The following PIK3C2A variants were observed in gnomAD, a reference collection of about 807,000 sequenced individuals.
PIK3C2A encodes phosphatidylinositol 4-phosphate 3-kinase C2 domain-containing subunit alpha.
In PIK3C2A, 97 loss-of-function variants were observed where a neutral mutation model predicts 204.5. The ratio of observed to expected loss-of-function variants is 0.47; its 90% confidence interval spans 0.40 to 0.56. The LOEUF (loss-of-function observed/expected upper bound fraction) is 0.56. Among genes scored for constraint, PIK3C2A ranks in the 20% least tolerant of loss-of-function variants. The probability of loss-of-function intolerance (pLI) is 0.00; values close to 1 mark genes in which losing one functional copy is unlikely to be tolerated. For synonymous variants in PIK3C2A, 653 were observed against 664.4 expected (o/e 0.98, Z 0.26); for missense variants, 1,735 against 1,969.2 (o/e 0.88, Z 2.25).
At chr11:17,176,986 A>G (rs1851359848) in intron 1 of PIK3C2A, among the ~76,000 whole-genome samples, 1 of 152,214 alleles carries the variant, frequency 6.6e-6, no homozygotes, top group South Asian at 2.1e-4. Context: ...AGCTATTAGT[A>G]TCCCTAGTAT....
At chr11:17,126,863 T>G (rs1474460452) in intron 13 of PIK3C2A, among the ~76,000 whole-genome samples, 2 of 152,226 alleles carry the variant, frequency 1.3e-5, no homozygotes, top group Admixed American at 1.3e-4. Flanking sequence ...ATCATTTATC[T>G]AACAAAACCA....
intron 1 of PIK3C2A, among the ~76,000 whole-genome samples, chr11:17,182,237 A>G (rs61879731): frequency 0.12 from 17,682 of 152,204 alleles, 1,262 homozygotes; most frequent in Middle Eastern, 0.24. Flanking sequence ...ATTATTTGTT[A>G]AATAATCATA....
chr11:17,193,100 T>C (rs1851997772), intron 1 of PIK3C2A, among the ~76,000 whole-genome samples: 1 of 152,244 alleles, frequency 6.6e-6, no homozygotes, highest in Non-Finnish European at 1.5e-5. Flanking sequence ...GCCTGCACTC[T>C]GTTAGGACAC....
intron 12 of PIK3C2A, among the ~76,000 whole-genome samples, chr11:17,131,419 ATTTTTTTTTTT>A (rs68020564): frequency 2.9e-4 from 23 of 79,476 alleles, no homozygotes; most frequent in African/African-American, 4.2e-4. Context: ...AGGGTATTTC[ATTTTTTTTTTT>A]TTTTTTTTTG....
At position 17,172,382 on chromosome 11, in the gene PIK3C2A, G is replaced by A. The variant is rs536163086; in HGVS notation, c.-65-2576C>T. The stretch of plus-strand genomic sequence containing the variant: ...TGAGGATGAGAGGGGCCAGCTAACA[G>A]CCAGCACCAACCACCAAACATGTGA... On this transcript the variant is annotated intron_variant, in intron 1 of 32. Coordinates refer to ENST00000691414, the MANE Select transcript of PIK3C2A (RefSeq NM_002645.4). Among the ~76,000 whole-genome samples the A allele has an allele frequency of 3.3e-5, 5 of 152,270 alleles. No homozygotes were observed. In the East Asian group the frequency reaches 9.7e-4, roughly 29 times the overall value.
rs375877131 is a variant in PIK3C2A, at chr11:17,135,128, C to A, written c.1880G>T (p.Ser627Ile). ...ACACATACCCCTAGTTGAACTCCTG[C>A]TAGTGTCTTCTCCTCCAAACAAAGA... ...VTSLFGGEDT[S>I]RSSTRGSLNP... Residue 627 changes from serine (S) to isoleucine (I), a missense_variant, in exon 10 of 33, where the codon AGC (serine) becomes ATC (isoleucine). Ser to Ile is a moderately radical substitution (Grantham distance 142). Around this residue, in one of 6 missense-constraint regions of PIK3C2A, gnomAD observed 567 missense variants for 576.0 expected, o/e 0.98. Coordinates refer to ENST00000691414, the MANE Select transcript of PIK3C2A (RefSeq NM_002645.4). The A allele has an allele frequency of 2.6e-5, 42 of 1,613,892 alleles. No individual in the cohort carries two copies. Among genetic ancestry groups the A allele is most frequent in the Non-Finnish European group, 3.4e-5 (40 of 1,179,956 alleles).
At chr11:17,139,816 A>G (rs559886423) in intron 8 of PIK3C2A, among the ~76,000 whole-genome samples, 9 of 152,222 alleles carry the variant, frequency 5.9e-5, no homozygotes, top group African/African-American at 2.2e-4. Flanking sequence ...GATTCTGACC[A>G]AACTCTCTTC....
At chr11:17,162,516 T>C (rs1201707218) in intron 2 of PIK3C2A, among the ~76,000 whole-genome samples, 3 of 152,192 alleles carry the variant, frequency 2.0e-5, no homozygotes, top group Non-Finnish European at 2.9e-5. Context: ...CATAGTGAAC[T>C]GTAACCTAAC....
intron 4 of PIK3C2A, 86 bp downstream of exon 4, chr11:17,150,412 G>T: frequency 8.2e-7 from 1 of 1,226,892 alleles, no homozygotes; most frequent in Non-Finnish European, 1.1e-6. Flanking sequence ...AACAAAATTG[G>T]TTTATTAAAA....
intron 1 of PIK3C2A, among the ~76,000 whole-genome samples, chr11:17,198,649 G>A (rs1852247333): frequency 1.3e-5 from 2 of 152,034 alleles, no homozygotes; most frequent in African/African-American, 4.8e-5. Flanking sequence ...ACCATTAACT[G>A]TGCACAGTGG....
At chr11:17,117,708 G>GTTTTTTTT (rs35485246) in intron 18 of PIK3C2A, 37 bp from the exon 19 acceptor site, 9 of 319,514 alleles carry the variant, frequency 2.8e-5, no homozygotes, top group Admixed American at 1.2e-4. Context: ...TCACGTCTTG[G>GTTTTTTTT]TTTTTTTTTT....
intron 4 of PIK3C2A, among the ~76,000 whole-genome samples, chr11:17,150,041 ATTTCCTACAGAC>A (rs1210515226): frequency 1.3e-5 from 2 of 152,194 alleles, no homozygotes; most frequent in Non-Finnish European, 2.9e-5. Context: ...TATAAAAAAA[ATTTCCTACAGAC>A]TTTGGGAATA....
chr11:17,205,765 A>G (rs1238189546), intron 1 of PIK3C2A, among the ~76,000 whole-genome samples: 1 of 152,224 alleles, frequency 6.6e-6, no homozygotes, highest in Non-Finnish European at 1.5e-5. Context: ...ACAGTTATTC[A>G]TTACAAAAAG....
Position 17,131,299 on chromosome 11 carries a change from G to A in PIK3C2A, c.2231+617C>T, listed in dbSNP as rs75230427. Among the ~76,000 whole-genome samples, 601 of 151,930 alleles carry A rather than the reference G, an allele frequency of 4.0e-3. 9 individuals are homozygous for A. Among genetic ancestry groups the A allele is most frequent in the Admixed American group, 0.027 (418 of 15,250 alleles). ...GAAGCAAGCAATGCTATAAAATACC[G>A]TCTTTCTATAACTTTCATTCCTTTC... On this transcript the variant is annotated intron_variant, in intron 12 of 32. Coordinates refer to ENST00000691414, the MANE Select transcript of PIK3C2A (RefSeq NM_002645.4).
intron 2 of PIK3C2A, 143 bp from the exon 3 acceptor site, chr11:17,155,772 T>G: frequency 1.9e-6 from 1 of 523,726 alleles, no homozygotes. Context: ...ATTTTTAAAT[T>G]ATATATTTCT....
At chr11:17,164,809 TG>T (rs1408624843) in intron 2 of PIK3C2A, among the ~76,000 whole-genome samples, 1 of 152,206 alleles carries the variant, frequency 6.6e-6, no homozygotes, top group African/African-American at 2.4e-5. Flanking sequence ...CTATGTGACT[TG>T]ATTACCCAGA....
intron 11 of PIK3C2A, among the ~76,000 whole-genome samples, chr11:17,134,406 G>A (rs1485878029): frequency 6.6e-6 from 1 of 151,842 alleles, no homozygotes; most frequent in Non-Finnish European, 1.5e-5. Flanking sequence ...TTGTTGACAA[G>A]GCTGGAGTGC....
intron 22 of PIK3C2A, among the ~76,000 whole-genome samples, chr11:17,109,047 C>T (rs1848915970): frequency 6.6e-6 from 1 of 152,208 alleles, no homozygotes; most frequent in South Asian, 2.1e-4. Flanking sequence ...CAGAGCTACA[C>T]AGGATAGAAT....
intron 1 of PIK3C2A, among the ~76,000 whole-genome samples, chr11:17,198,441 T>A (rs1057400735): frequency 6.6e-6 from 1 of 152,112 alleles, no homozygotes; most frequent in Non-Finnish European, 1.5e-5. Context: ...AGTTACTTGA[T>A]CTCCCTTTGT....
Sources: allele counts gnomAD v4.1 joint callset (sites outside exome capture counted in the v4.1 genomes callset), GRCh38; gene constraint gnomAD v4.1.1; regional missense constraint gnomAD v4.1.1; transcripts MANE v1.5; gene names NCBI Gene and HGNC (gene_info 2026-07-23, HGNC 2026-07-21).